The following KAZN variants were observed in gnomAD, a reference collection of about 807,000 sequenced individuals.
KAZN encodes kazrin.
A neutral mutation model predicts 87.4 loss-of-function variants in KAZN; 40 were observed. The observed-to-expected ratio is 0.46, with a 90% CI of 0.36 to 0.60. The LOEUF (loss-of-function observed/expected upper bound fraction) is 0.60. Among genes scored for constraint, KAZN ranks in the 20% least tolerant of loss-of-function variants. The pLI, the probability that KAZN is intolerant of heterozygous loss-of-function variation, is 0.00. For synonymous variants in KAZN, 466 were observed against 458.3 expected (o/e 1.02, Z -0.22); for missense variants, 898 against 1,073.9 (o/e 0.84, Z 2.29).
At position 14,615,779 on chromosome 1, in the gene KAZN, G is replaced by A. The variant is rs113393938; in HGVS notation, c.226+16556G>A. 1.6e-3 allele frequency among the ~76,000 whole-genome samples: 247 copies of A among 152,372 alleles called. 2 individuals are homozygous for A. The highest frequency in any genetic ancestry group is 5.6e-3 in the African/African-American group (233 of 41,598). On this transcript the variant is annotated intron_variant, in intron 1 of 14. Coordinates refer to ENST00000376030, the MANE Select transcript of KAZN (RefSeq NM_201628.3). The stretch of plus-strand genomic sequence containing the variant: ...CATCCCGGGAAGTGGCGTAGGAACT[G>A]AGACACTGGTTCAGTCAAAATGAGG...
chr1:14,198,532 G>GGAGATTGCGGTGAGCT (rs1194131055), intron 2 of KAZN, among the ~76,000 whole-genome samples: 2 of 152,142 alleles, frequency 1.3e-5, no homozygotes, highest in Non-Finnish European at 2.9e-5. Context: ...CTGGGGAGGT[G>GGAGATTGCGGTGAGCT]GAGATTGCGG....
intron 1 of KAZN, among the ~76,000 whole-genome samples, chr1:14,786,127 C>G (rs1170142952): frequency 6.6e-6 from 1 of 152,190 alleles, no homozygotes; most frequent in Admixed American, 6.5e-5. Context: ...TATATTTCAT[C>G]TTATTAAAGC....
intron 1 of KAZN, among the ~76,000 whole-genome samples, chr1:14,141,357 C>A (rs942324271): frequency 9.2e-5 from 14 of 151,960 alleles, no homozygotes; most frequent in African/African-American, 3.4e-4. Context: ...CCTCTGGGGC[C>A]TGAGAGCACA....
chr1:14,455,504 G>A (rs1481669798), intron 2 of KAZN, among the ~76,000 whole-genome samples: 1 of 152,152 alleles, frequency 6.6e-6, no homozygotes, highest in Non-Finnish European at 1.5e-5. Flanking sequence ...TTTGCAAAGA[G>A]GCTTTGAGAC....
In KAZN at chr1:14,403,164, C is replaced by A. The variant is rs12070499; in HGVS notation, c.250-195819C>A. 3.6e-3 allele frequency among the ~76,000 whole-genome samples: 547 copies of A among 152,096 alleles called. 4 individuals are homozygous for A. The highest frequency in any genetic ancestry group is 0.013 in the African/African-American group (521 of 41,462). On this transcript the variant is annotated intron_variant, in intron 2 of 16. Transcript: ENST00000636203. ...TTAATCCATAATAGAGGTGACATTGCAAATAAATAGAAAAAATATAAACCA... is the reference window on the plus strand; with the variant it reads ...TTAATCCATAATAGAGGTGACATTGAAAATAAATAGAAAAAATATAAACCA...
chr1:14,170,927 T>C (rs1645942268), intron 1 of KAZN, among the ~76,000 whole-genome samples: 1 of 152,142 alleles, frequency 6.6e-6, no homozygotes, highest in Non-Finnish European at 1.5e-5. Flanking sequence ...TCGATGAGGC[T>C]GGTCTCAAAC....
At chr1:14,377,661 A>G (rs1422936699) in intron 2 of KAZN, among the ~76,000 whole-genome samples, 1 of 152,138 alleles carries the variant, frequency 6.6e-6, no homozygotes, top group African/African-American at 2.4e-5. Flanking sequence ...TCAAAATTTA[A>G]TGTCTGTTTA....
intron 2 of KAZN, among the ~76,000 whole-genome samples, chr1:14,309,596 C>G (rs376975085): frequency 6.6e-6 from 1 of 152,184 alleles, no homozygotes; most frequent in East Asian, 1.9e-4. Flanking sequence ...AGGTCTCACT[C>G]TGTGGCCCAG....
intron 1 of KAZN, among the ~76,000 whole-genome samples, chr1:14,732,509 C>T (rs1163901119): frequency 2.0e-5 from 3 of 152,060 alleles, no homozygotes; most frequent in African/African-American, 4.8e-5. Context: ...TATGGTGACA[C>T]ATGCCTGTAG....
At chr1:14,380,912 C>T (rs1183257346) in intron 2 of KAZN, among the ~76,000 whole-genome samples, 1 of 152,162 alleles carries the variant, frequency 6.6e-6, no homozygotes, top group Non-Finnish European at 1.5e-5. Context: ...AAGAAGACTA[C>T]ATCAAGGCAT....
chr1:14,009,487 T>G (rs1164923090), intron 1 of KAZN, among the ~76,000 whole-genome samples: 1 of 152,252 alleles, frequency 6.6e-6, no homozygotes, highest in Admixed American at 6.5e-5. Context: ...GTTTTCTGTT[T>G]TTCTTTGATA....
At chr1:14,257,863 C>T (rs1176304413) in intron 2 of KAZN, among the ~76,000 whole-genome samples, 2 of 138,540 alleles carry the variant, frequency 1.4e-5, no homozygotes, top group Non-Finnish European at 3.0e-5. Flanking sequence ...TTAGTGGGTG[C>T]AGCGCACCAG....
intron 8 of KAZN, among the ~76,000 whole-genome samples, chr1:15,093,791 A>T (rs553444929): frequency 6.6e-6 from 1 of 152,170 alleles, no homozygotes; most frequent in African/African-American, 2.4e-5. Flanking sequence ...TGGGCAAAAT[A>T]TGAGGGAGGT....
chr1:14,191,918 A>T (rs1278493000), intron 2 of KAZN, among the ~76,000 whole-genome samples: 1 of 152,136 alleles, frequency 6.6e-6, no homozygotes, highest in Non-Finnish European at 1.5e-5. Context: ...TTCTGCCTCC[A>T]GTTTGCTAAA....
At chr1:14,903,594 TTTG>T (rs1179789218) in intron 1 of KAZN, among the ~76,000 whole-genome samples, 2 of 152,192 alleles carry the variant, frequency 1.3e-5, no homozygotes, top group African/African-American at 4.8e-5. Flanking sequence ...CGGGGTCTGC[TTTG>T]TTGTTTCCTT....
At chr1:14,471,984 A>G (rs1178225042) in intron 2 of KAZN, among the ~76,000 whole-genome samples, 1 of 152,170 alleles carries the variant, frequency 6.6e-6, no homozygotes, top group African/African-American at 2.4e-5. Flanking sequence ...TGTATTACTT[A>G]TTGTCCTGGA....
chr1:14,338,488 G>GA lies in KAZN; in HGVS notation c.249+157913dup, dbSNP rs543667115. On this transcript the variant is annotated intron_variant, in intron 2 of 16. Transcript: ENST00000636203. ...CAACAGAATGAGACTCCATCTTAGA[G>GA]AAAAAAAAAAAAAAAAAGAGAGAGA... 7.7e-3 allele frequency among the ~76,000 whole-genome samples: 628 copies of GA among 81,564 alleles called. 1 individual carries two copies. Among genetic ancestry groups the GA allele is most frequent in the South Asian group, 0.02 (37 of 1,836 alleles). 53.5% of individuals were successfully genotyped at this position (81,564 alleles called of 152,430 possible). A position where few individuals can be genotyped will look rare whatever the true frequency, so the allele number is the denominator to read the frequency against.
intron 1 of KAZN, among the ~76,000 whole-genome samples, chr1:14,038,367 C>A (rs1007756909): frequency 6.6e-6 from 1 of 152,100 alleles, no homozygotes; most frequent in African/African-American, 2.4e-5. Flanking sequence ...ATATGGTTCT[C>A]TGGAGGGAGA....
At chr1:14,444,924 C>G (rs1408232205) in intron 2 of KAZN, among the ~76,000 whole-genome samples, 1 of 152,056 alleles carries the variant, frequency 6.6e-6, no homozygotes, top group Non-Finnish European at 1.5e-5. Context: ...TATTGAAGCC[C>G]TAAACTCTGG....
Sources: allele counts gnomAD v4.1 joint callset (sites outside exome capture counted in the v4.1 genomes callset), GRCh38; gene constraint gnomAD v4.1.1; transcripts MANE v1.5; gene names NCBI Gene and HGNC (gene_info 2026-07-23, HGNC 2026-07-21).